The following DENND1B variants were observed in gnomAD, a reference collection of about 807,000 sequenced individuals.
The protein encoded by DENND1B is DENN domain containing 1B, also known as DENN domain-containing protein 1B.
A neutral mutation model predicts 90.1 loss-of-function variants in DENND1B; 59 were observed. The ratio of observed to expected loss-of-function variants is 0.65; its 90% confidence interval spans 0.53 to 0.81. The LOEUF is 0.81. DENND1B is among the 40% of genes least tolerant of loss of function. The pLI, the probability that DENND1B is intolerant of heterozygous loss-of-function variation, is 0.00. For missense variants in DENND1B, 862 were observed against 912.6 expected (o/e 0.94, Z 0.71); for synonymous variants, 337 against 324.6 (o/e 1.04, Z -0.41).
chr1:197,759,705 T>C (rs1037134130), intron 2 of DENND1B, among the ~76,000 whole-genome samples: 4 of 127,628 alleles, frequency 3.1e-5, no homozygotes, highest in Non-Finnish European at 6.2e-5. Context: ...ATCGCACCAC[T>C]GCACTCTGGC....
chr1:197,670,659 G>C (rs1655413253), intron 5 of DENND1B, among the ~76,000 whole-genome samples: 1 of 151,918 alleles, frequency 6.6e-6, no homozygotes, highest in South Asian at 2.1e-4. Context: ...AAATAAGAAA[G>C]CATATACAGC....
upstream of DENND1B, among the ~76,000 whole-genome samples, chr1:197,778,218 T>C (rs188985995): frequency 1.3e-3 from 198 of 152,338 alleles, 1 homozygote; most frequent in Middle Eastern, 3.4e-3. Context: ...CTGAATAGTA[T>C]TTGTCTGATG....
intron 3 of DENND1B, among the ~76,000 whole-genome samples, chr1:197,707,954 A>G (rs543890464): frequency 2.3e-3 from 345 of 152,078 alleles, no homozygotes; most frequent in African/African-American, 7.9e-3. Flanking sequence ...TCCAAGTCAA[A>G]GAAAGGGGTG....
intron 5 of DENND1B, among the ~76,000 whole-genome samples, chr1:197,658,740 T>G (rs1438626505): frequency 2.0e-5 from 3 of 151,298 alleles, no homozygotes; most frequent in Non-Finnish European, 3.0e-5. Context: ...CAAAAATATC[T>G]CCTTTTAATA....
At position 197,505,120 on chromosome 1, in the gene DENND1B, G is replaced by A. The variant is rs958517659; in HGVS notation, c.*5340C>T. ...TAAAAAAGCTTTATGCATTTATGTT[G>A]TAGGACTCAGGCAGTTCATATTAGT... On this transcript the variant is annotated 3_prime_UTR_variant, in exon 23 of 23. Transcript: ENST00000620048. The A allele has an allele frequency of 1.3e-4, 19 of 151,710 alleles. No homozygotes were observed. Among genetic ancestry groups the A allele is most frequent in the African/African-American group, 4.1e-4 (17 of 41,374 alleles). The allele number at this position is 151,710 out of a possible 1,614,324, so 9.4% of individuals were successfully genotyped here.
chr1:197,512,225 G>A (rs1668079663), intron 21 of DENND1B, among the ~76,000 whole-genome samples: 1 of 151,614 alleles, frequency 6.6e-6, no homozygotes, highest in Non-Finnish European at 1.5e-5. Flanking sequence ...CTTTACTTTA[G>A]GAATATTAGA....
chr1:197,764,635 G>C (rs1655480136), intron 2 of DENND1B, among the ~76,000 whole-genome samples: 1 of 152,100 alleles, frequency 6.6e-6, no homozygotes, highest in Non-Finnish European at 1.5e-5. Context: ...TTGACCCTTA[G>C]TCAACAGATC....
In DENND1B at chr1:197,583,151, C is replaced by T. The variant is rs1334146985; in HGVS notation, c.1149+1G>A. 6.2e-7 allele frequency: 1 copy of T among 1,613,568 alleles called. No individual in the cohort carries two copies. The highest frequency in any genetic ancestry group is 8.5e-7 in the Non-Finnish European group (1 of 1,179,598). On this transcript the variant is annotated splice_donor_variant, in intron 15 of 22. Coordinates refer to ENST00000620048, the MANE Select transcript of DENND1B (RefSeq NM_001195215.2). LOFTEE classifies it high-confidence loss of function. ...AGAAAAATGTGGAGGTCCACTCTTACCTGCTTAAAAAGCTGGAGGTTAATG... is the reference window on the plus strand; with the variant it reads ...AGAAAAATGTGGAGGTCCACTCTTATCTGCTTAAAAAGCTGGAGGTTAATG...
At chr1:197,735,437 T>C in intron 2 of DENND1B, 1 of 1,462,218 alleles carries the variant, frequency 6.8e-7, no homozygotes, top group Non-Finnish European at 9.0e-7. Flanking sequence ...ACTCTGAAGC[T>C]ACTTCTCATG....
intron 9 of DENND1B, among the ~76,000 whole-genome samples, chr1:197,644,840 C>T (rs1274393836): frequency 6.6e-6 from 1 of 152,134 alleles, no homozygotes; most frequent in Non-Finnish European, 1.5e-5. Flanking sequence ...TGGAAAAACA[C>T]TAGAATCCCA....
chr1:197,553,085 T>G lies in DENND1B; in HGVS notation c.1177A>C (p.Asn393His), dbSNP rs1208164775. 3 of 1,541,846 alleles carry G rather than the reference T, an allele frequency of 1.9e-6. No homozygotes were observed. The highest frequency in any genetic ancestry group is 2.6e-6 in the Non-Finnish European group (3 of 1,151,400). The change falls in exon 16 of 23, where the codon AAT becomes CAT. Residue 393 changes from asparagine (N) to histidine (H), a missense_variant. By Grantham distance (68) the Asn-to-His change is moderately conservative (BLOSUM62 1). Coordinates refer to ENST00000620048, the MANE Select transcript of DENND1B (RefSeq NM_001195215.2). Reference protein sequence around the residue: ...QFIDGRLAKLNAGRGFSDVFE... With the variant: ...QFIDGRLAKLHAGRGFSDVFE... ...ACATCAGAGAAACCCCTTCCTGCAT[T>G]TAGTTTTGCCAGTCGACCATCGATA...
Position 197,545,984 on chromosome 1 carries a change from C to G in DENND1B, c.1288G>C (p.Gly430Arg), listed in dbSNP as rs1670787741. ...GTCATTGCTGTGTTGAACAGTGCACCTCCTTTCTGCAAAAGAAAAACAGAA... is the reference window on the plus strand; with the variant it reads ...GTCATTGCTGTGTTGAACAGTGCACGTCCTTTCTGCAAAAGAAAAACAGAA... ...QQWVHTVKKG[G>R]ALFNTAMTKA... The change falls in exon 18 of 23, where the codon GGT (glycine) becomes CGT (arginine). Residue 430 changes from glycine (G) to arginine (R), a missense_variant. By Grantham distance (125) the Gly-to-Arg change is moderately radical. Transcript: ENST00000620048. 1 of 1,599,438 alleles carries G rather than the reference C, an allele frequency of 6.3e-7. No homozygotes were observed. The highest frequency in any genetic ancestry group is 8.5e-7 in the Non-Finnish European group (1 of 1,176,362).
intron 3 of DENND1B, among the ~76,000 whole-genome samples, chr1:197,685,375 T>A (rs1489787727): frequency 1.3e-5 from 2 of 152,070 alleles, no homozygotes; most frequent in Non-Finnish European, 2.9e-5. Context: ...CAACCTGGGG[T>A]CAGTTGTTAT....
intron 3 of DENND1B, among the ~76,000 whole-genome samples, chr1:197,687,376 A>G (rs1016004451): frequency 2.6e-5 from 4 of 152,196 alleles, no homozygotes; most frequent in Non-Finnish European, 5.9e-5. Flanking sequence ...TCAGAGCTGC[A>G]TATTTTTTCC....
rs114971239 is a variant in DENND1B at position 197,735,128 on chromosome 1, T to C, written c.83-20054A>G. 2,380 of 963,808 alleles carry C rather than the reference T, an allele frequency of 2.5e-3. 42 individuals carry two copies. In the African/African-American group the frequency reaches 0.035, roughly 14 times the overall value. The allele number at this position is 963,808 out of a possible 1,614,324, so 59.7% of individuals were successfully genotyped here. A position where few individuals can be genotyped will look rare whatever the true frequency, so the allele number is the denominator to read the frequency against. On this transcript the variant is annotated intron_variant, in intron 2 of 22. Transcript: ENST00000620048. Reference sequence around the variant, plus strand: ...AAGAAAATAGATTTGGTTAAATCTATATTATATATGAATAATACAAAAGTT... The same window carrying C: ...AAGAAAATAGATTTGGTTAAATCTACATTATATATGAATAATACAAAAGTT...
chr1:197,679,357 G>GA (rs1444557487), intron 3 of DENND1B, among the ~76,000 whole-genome samples: 2 of 149,440 alleles, frequency 1.3e-5, no homozygotes, highest in Non-Finnish European at 3.0e-5. Context: ...AAAATATTTG[G>GA]AAAAAATACA....
At chr1:197,636,962 A>G (rs1489697166) in intron 10 of DENND1B, among the ~76,000 whole-genome samples, 1 of 152,104 alleles carries the variant, frequency 6.6e-6, no homozygotes, top group African/African-American at 2.4e-5. Context: ...GATGTCAACA[A>G]TGAGCTAAAC....
chr1:197,646,228 CA>C (rs1305260721), intron 8 of DENND1B, among the ~76,000 whole-genome samples: 1 of 151,792 alleles, frequency 6.6e-6, no homozygotes. Flanking sequence ...TATGGTAAGT[CA>C]CAAGAAATCT....
chr1:197,561,215 GCTT>G (rs1269754974), intron 15 of DENND1B, among the ~76,000 whole-genome samples: 4 of 151,870 alleles, frequency 2.6e-5, no homozygotes, highest in Non-Finnish European at 5.9e-5. Context: ...CTCCTCTCAT[GCTT>G]CAATCACAAT....
Sources: gnomAD v4.1 joint callset for allele counts (sites outside exome capture counted in the v4.1 genomes callset) on GRCh38, gnomAD v4.1.1 for gene constraint, MANE v1.5 for transcripts, NCBI Gene and HGNC (gene_info 2026-07-23, HGNC 2026-07-21) for gene names.